The following AKAP13 variants were observed in gnomAD, a reference collection of about 807,000 sequenced individuals.
The protein encoded by AKAP13 is A-kinase anchor protein 13.
Under a neutral mutation model 264.5 loss-of-function variants are expected in AKAP13, and 80 were observed. That is an observed-to-expected ratio of 0.30 (90% confidence interval 0.25 to 0.36). The LOEUF (loss-of-function observed/expected upper bound fraction) is 0.36. AKAP13 is among the 10% of genes least tolerant of loss of function. The probability of loss-of-function intolerance (pLI) is 1.00; values close to 1 mark genes in which losing one functional copy is unlikely to be tolerated. For synonymous variants in AKAP13, 1,380 were observed against 1,250.2 expected (o/e 1.10, Z -2.19); for missense variants, 3,712 against 3,435.2 (o/e 1.08, Z -2.01).
At chr15:85,717,504 C>G in intron 21 of AKAP13, 102 bp downstream of exon 21, 1 of 793,154 alleles carries the variant, frequency 1.3e-6, no homozygotes, top group Non-Finnish European at 2.0e-6. Flanking sequence ...CCTGCCTCTT[C>G]TGTATCCCGT....
Position 85,596,380 on chromosome 15 carries a change from TG to T in AKAP13, c.4161+10558del, listed in dbSNP as rs533336388. ...TGGCACTTTGGGAGATCGAAGCAGG[TG>T]TATTGCTTGAGCCTAGGAGTTCGCA... On this transcript the variant is annotated intron_variant, in intron 8 of 36. Transcript: ENST00000394518. Among the ~76,000 whole-genome samples, 23 of 152,190 alleles carry T rather than the reference TG, an allele frequency of 1.5e-4. No individual in the cohort carries two copies. The South Asian group carries it at 4.8e-3, about 32-fold the overall frequency.
intron 8 of AKAP13, among the ~76,000 whole-genome samples, chr15:85,628,249 G>A (rs966997694): frequency 6.6e-6 from 1 of 152,168 alleles, no homozygotes; most frequent in Non-Finnish European, 1.5e-5. Context: ...TATGCCAATT[G>A]TAATCAGAAT....
intron 6 of AKAP13, 108 bp downstream of exon 6, chr15:85,575,437 A>C (rs566138301): frequency 5.1e-6 from 6 of 1,173,606 alleles, no homozygotes; most frequent in Middle Eastern, 2.8e-4. Context: ...TAGAACATAA[A>C]AATGCTTTCC....
At chr15:85,639,573 C>T in intron 9 of AKAP13, 124 bp downstream of exon 9, 1 of 738,338 alleles carries the variant, frequency 1.4e-6, no homozygotes. Context: ...TGTATGTGAT[C>T]TGGGTTTGTA....
At chr15:85,614,443 A>C (rs1317028585) in intron 8 of AKAP13, among the ~76,000 whole-genome samples, 2 of 152,240 alleles carry the variant, frequency 1.3e-5, no homozygotes, top group Non-Finnish European at 2.9e-5. Context: ...TATAGAGAGA[A>C]ACTTTTAAAA....
intron 1 of AKAP13, among the ~76,000 whole-genome samples, chr15:85,452,234 TA>T (rs1298117653): frequency 3.6e-5 from 5 of 139,968 alleles, no homozygotes; most frequent in African/African-American, 1.1e-4. Flanking sequence ...TTTTTTTTTT[TA>T]AATACTGGTT....
chr15:85,735,238 A>G lies in AKAP13; in HGVS notation c.7441+88A>G, dbSNP rs1597219643. 6 of 1,510,884 alleles carry G rather than the reference A, an allele frequency of 4.0e-6. No individual in the cohort carries two copies. The East Asian group carries it at 1.1e-4, about 29-fold the overall frequency. The allele number at this position is 1,510,884 out of a possible 1,614,324, so 93.6% of individuals were successfully genotyped here. Reference sequence around the variant, plus strand: ...TGACTTGTACTTTAGTAGCTACATCACCGCTCCCAATCAGCAAATTTCTTA... The same window carrying G: ...TGACTTGTACTTTAGTAGCTACATCGCCGCTCCCAATCAGCAAATTTCTTA... On this transcript the variant is annotated intron_variant, in intron 31 of 36. Coordinates refer to ENST00000394518, the MANE Select transcript of AKAP13 (RefSeq NM_007200.5).
intron 1 of AKAP13, among the ~76,000 whole-genome samples, chr15:85,392,689 C>T (rs1217152120): frequency 4.6e-5 from 7 of 152,116 alleles, no homozygotes; most frequent in Admixed American, 3.3e-4. Context: ...TATAGGCACA[C>T]GCCACTGCAC....
chr15:85,705,466 T>C (rs1265377681), intron 17 of AKAP13, among the ~76,000 whole-genome samples: 62 of 152,134 alleles, frequency 4.1e-4, no homozygotes, highest in Admixed American at 4.0e-3. Flanking sequence ...AAAAAAAATA[T>C]ACTTTTTTAA....
chr15:85,665,439 A>C (rs1348657844), intron 13 of AKAP13, among the ~76,000 whole-genome samples: 3 of 152,230 alleles, frequency 2.0e-5, no homozygotes, highest in African/African-American at 7.2e-5. Flanking sequence ...TTGTAGGAAA[A>C]AAATTAAAAA....
At chr15:85,604,397 G>C (rs1212178897) in intron 8 of AKAP13, among the ~76,000 whole-genome samples, 3 of 151,662 alleles carry the variant, frequency 2.0e-5, no homozygotes, top group African/African-American at 7.3e-5. Context: ...TCATCTTTCT[G>C]TCTGTATAGA....
At chr15:85,451,228 G>T (rs1440234149) in intron 1 of AKAP13, among the ~76,000 whole-genome samples, 2 of 152,146 alleles carry the variant, frequency 1.3e-5, no homozygotes, top group Non-Finnish European at 2.9e-5. Context: ...TTGCTTGGTA[G>T]ATTTTTCTCC....
Position 85,581,024 on chromosome 15 carries a change from G to T in AKAP13, c.2956G>T (p.Ala986Ser), listed in dbSNP as rs1012670194. The change falls in exon 7 of 37, where the codon GCA becomes TCA. Residue 986 changes from alanine (A) to serine (S), a missense_variant. Around this residue, in one of 3 missense-constraint regions of AKAP13, gnomAD observed 2,759 missense variants for 2,411.7 expected, o/e 1.14. Transcript: ENST00000394518. ...ACTTCAGCTAAGTAATTCACCGGGT[G>T]CATCCTCTGCCTTTCTTAAGGCAGA... ...KALQLSNSPG[A>S]SSAFLKAETE... is the part of the protein sequence containing the mutation. 1 of 1,613,770 alleles carries T rather than the reference G, an allele frequency of 6.2e-7. No individual in the cohort carries two copies. The highest frequency in any genetic ancestry group is 8.5e-7 in the Non-Finnish European group (1 of 1,179,832).
At chr15:85,613,347 A>G (rs1333571051) in intron 8 of AKAP13, among the ~76,000 whole-genome samples, 1 of 152,150 alleles carries the variant, frequency 6.6e-6, no homozygotes, top group Non-Finnish European at 1.5e-5. Context: ...CTCAGAATTC[A>G]GTTGGCTTTG....
intron 10 of AKAP13, among the ~76,000 whole-genome samples, chr15:85,648,834 G>T (rs1406326893): frequency 6.6e-6 from 1 of 152,130 alleles, no homozygotes; most frequent in South Asian, 2.1e-4. Flanking sequence ...GCAAGACCCT[G>T]TCTCAAAAAT....
chr15:85,549,642 C>T (rs2077882251), intron 5 of AKAP13, among the ~76,000 whole-genome samples: 1 of 152,144 alleles, frequency 6.6e-6, no homozygotes, highest in South Asian at 2.1e-4. Context: ...TGTAGAGCTA[C>T]TGTTACACAG....
intron 3 of AKAP13, among the ~76,000 whole-genome samples, chr15:85,524,733 G>A (rs1463868448): frequency 2.0e-5 from 3 of 151,916 alleles, no homozygotes; most frequent in Non-Finnish European, 2.9e-5. Flanking sequence ...TTTTGACTTC[G>A]GATATTGAAA....
At chr15:85,662,644 G>A (rs752160833) in intron 12 of AKAP13, among the ~76,000 whole-genome samples, 1 of 152,192 alleles carries the variant, frequency 6.6e-6, no homozygotes, top group African/African-American at 2.4e-5. Flanking sequence ...CCTAAGAGTC[G>A]GGTGATGCAT....
In AKAP13 at chr15:85,581,654, C is replaced by G. The variant is rs777066587; in HGVS notation, c.3586C>G (p.Pro1196Ala). The G allele has an allele frequency of 6.2e-7, 1 of 1,613,998 alleles. No homozygotes were observed. Among genetic ancestry groups the G allele is most frequent in the African/African-American group, 1.3e-5 (1 of 74,902 alleles). Reference sequence around the variant, plus strand: ...ACTGCAGCCTGTTGCCAAGGAGCTCCCCACAGACATGGAGCTCTCAGCCCA... The same window carrying G: ...ACTGCAGCCTGTTGCCAAGGAGCTCGCCACAGACATGGAGCTCTCAGCCCA... Reference protein sequence around the residue: ...VLLQPVAKELPTDMELSAHDD... With the variant: ...VLLQPVAKELATDMELSAHDD... Residue 1196 changes from proline (P) to alanine (A), a missense_variant, in exon 7 of 37, where the codon CCC becomes GCC. Pro to Ala is a conservative substitution (Grantham distance 27). Coordinates refer to ENST00000394518, the MANE Select transcript of AKAP13 (RefSeq NM_007200.5).
Sources: gnomAD v4.1 joint callset for allele counts (sites outside exome capture counted in the v4.1 genomes callset) on GRCh38, gnomAD v4.1.1 for gene constraint, gnomAD v4.1.1 regional missense constraint, MANE v1.5 for transcripts, NCBI Gene and HGNC (gene_info 2026-07-23, HGNC 2026-07-21) for gene names.